UBE2E3: variants seen among roughly 807,000 people sequenced by gnomAD.
UBE2E3 encodes ubiquitin conjugating enzyme E2 E3.
UBE2E3 carries 5 observed loss-of-function variants against 23.6 expected under a neutral mutation model. The observed-to-expected ratio is 0.21, with a 90% CI of 0.11 to 0.44. The LOEUF (loss-of-function observed/expected upper bound fraction) is 0.44, where lower values mean the gene tolerates loss of function less well. Ranked by LOEUF, UBE2E3 falls within the 20% of genes least tolerant of loss-of-function variation. UBE2E3 has a pLI of 0.99. For missense variants in UBE2E3, 81 were observed against 249.8 expected (o/e 0.32, Z 4.55); for synonymous variants, 78 against 87.5 (o/e 0.89, Z 0.60).
intron 3 of UBE2E3, among the ~76,000 whole-genome samples, chr2:181,001,392 A>G (rs1168887093): frequency 1.3e-5 from 2 of 152,154 alleles, no homozygotes; most frequent in African/African-American, 4.8e-5. Context: ...GAAAAGAAAC[A>G]TACAATTATG....
chr2:180,992,403 G>T (rs1684688117), intron 3 of UBE2E3, among the ~76,000 whole-genome samples: 1 of 152,168 alleles, frequency 6.6e-6, no homozygotes, highest in African/African-American at 2.4e-5. Context: ...GACTATAAAA[G>T]GAGATGTTAA....
At chr2:180,983,382 T>G (rs1398647236) in intron 2 of UBE2E3, among the ~76,000 whole-genome samples, 1 of 152,236 alleles carries the variant, frequency 6.6e-6, no homozygotes, top group African/African-American at 2.4e-5. Context: ...GAAATCATCT[T>G]AAATTTGAAT....
At chr2:180,993,870 T>C (rs1238315707) in intron 3 of UBE2E3, among the ~76,000 whole-genome samples, 1 of 152,180 alleles carries the variant, frequency 6.6e-6, no homozygotes, top group Non-Finnish European at 1.5e-5. Context: ...GAGGGTACCA[T>C]AAGGCATTGG....
intron 3 of UBE2E3, among the ~76,000 whole-genome samples, chr2:181,038,647 G>A (rs1040597211): frequency 3.9e-5 from 6 of 152,114 alleles, no homozygotes; most frequent in African/African-American, 1.4e-4. Context: ...AAGATGAAAA[G>A]GCAAATCACA....
At chr2:181,048,460 T>C (rs1032580624) in intron 3 of UBE2E3, among the ~76,000 whole-genome samples, 3 of 152,158 alleles carry the variant, frequency 2.0e-5, no homozygotes, top group African/African-American at 7.2e-5. Context: ...AGGCACAGTA[T>C]GGATTAATAA....
intron 3 of UBE2E3, among the ~76,000 whole-genome samples, chr2:181,021,590 T>C (rs995464642): frequency 0.043 from 2,136 of 50,204 alleles, 4 homozygotes; most frequent in East Asian, 0.085. Context: ...CTCCCTTCCT[T>C]CCTCCCTCCC....
intron 3 of UBE2E3, among the ~76,000 whole-genome samples, chr2:180,999,350 T>C (rs72883549): frequency 0.23 from 35,289 of 152,014 alleles, 4,465 homozygotes; most frequent in Non-Finnish European, 0.28. Flanking sequence ...TGTGAGCCTT[T>C]TGGTTGTTTC....
At chr2:181,041,839 C>T (rs955669746) in intron 3 of UBE2E3, among the ~76,000 whole-genome samples, 2 of 152,216 alleles carry the variant, frequency 1.3e-5, no homozygotes, top group African/African-American at 4.8e-5. Flanking sequence ...CAGGAGGCAG[C>T]GTGGTCTGGA....
chr2:180,982,198 T>C lies in UBE2E3; in HGVS notation c.156T>C (p.Ser52=). Residue 52 remains serine, a synonymous_variant, in exon 2 of 6, where the codon TCT becomes TCC. Transcript: ENST00000410062. ...ATQQKKNTKL[S]SKTTAKLSTS... Reference sequence around the variant, plus strand: ...AGCAGAAGAAAAACACCAAACTCTCTAGCAAAACCACTGCTAAGTTATCCA... The same window carrying C: ...AGCAGAAGAAAAACACCAAACTCTCCAGCAAAACCACTGCTAAGTTATCCA... The C allele has an allele frequency of 6.2e-7, 1 of 1,611,904 alleles. No individual in the cohort carries two copies. The highest frequency in any genetic ancestry group is 8.5e-7 in the Non-Finnish European group (1 of 1,179,260).
intron 3 of UBE2E3, among the ~76,000 whole-genome samples, chr2:180,990,492 C>G (rs4666996): frequency 0.23 from 35,238 of 152,132 alleles, 4,458 homozygotes; most frequent in Non-Finnish European, 0.28. Flanking sequence ...TCAGCTGATT[C>G]TTCACTTCCT....
At chr2:181,057,625 C>T (rs1687025127) in intron 3 of UBE2E3, 68 bp from the exon 4 acceptor site, 1 of 1,341,250 alleles carries the variant, frequency 7.5e-7, no homozygotes, top group Non-Finnish European at 1.0e-6. Flanking sequence ...TAACACTTCC[C>T]TGGTTTTAGG....
At chr2:181,037,896 A>T in intron 3 of UBE2E3, among the ~76,000 whole-genome samples, 1 of 152,208 alleles carries the variant, frequency 6.6e-6, no homozygotes, top group East Asian at 1.9e-4. Flanking sequence ...TGAGCCCAGG[A>T]GTTCAAGATT....
intron 3 of UBE2E3, among the ~76,000 whole-genome samples, chr2:181,052,276 A>G (rs1256547143): frequency 6.6e-6 from 1 of 151,884 alleles, no homozygotes; most frequent in Non-Finnish European, 1.5e-5. Flanking sequence ...AGGGGTGTCC[A>G]GGGGAAAGAA....
intron 3 of UBE2E3, among the ~76,000 whole-genome samples, chr2:181,052,134 AAAAG>A (rs1686860814): frequency 6.6e-6 from 1 of 151,830 alleles, no homozygotes; most frequent in African/African-American, 2.4e-5. Flanking sequence ...TAAGGTTGAG[AAAAG>A]AAAGGTGGCT....
intron 3 of UBE2E3, among the ~76,000 whole-genome samples, chr2:181,005,540 C>CT (rs148205584): frequency 0.027 from 4,084 of 152,186 alleles, 182 homozygotes; most frequent in African/African-American, 0.092. Context: ...TAGTATGTAT[C>CT]TTTTTGGACT....
chr2:181,057,117 G>A (rs988393085), intron 3 of UBE2E3, among the ~76,000 whole-genome samples: 3 of 151,788 alleles, frequency 2.0e-5, no homozygotes, highest in Non-Finnish European at 4.4e-5. Context: ...GGAGAATAAA[G>A]ACACAGGAAA....
rs1422504691 is a variant in UBE2E3, at chr2:181,063,390, A to G, written c.*502A>G. 6.6e-6 allele frequency: 1 copy of G among 152,124 alleles called. No individual in the cohort carries two copies. The highest frequency in any genetic ancestry group is 1.5e-5 in the Non-Finnish European group (1 of 67,772). 9.4% of individuals were successfully genotyped at this position (152,124 alleles called of 1,614,324 possible). The stretch of plus-strand genomic sequence containing the variant: ...TTGTAGCTCAGAGAGCACCTGATGT[A>G]TCATCTCAAACACAATAAACATGCT... On this transcript the variant is annotated 3_prime_UTR_variant, in exon 6 of 6. Coordinates refer to ENST00000410062, the MANE Select transcript of UBE2E3 (RefSeq NM_006357.4). The surrounding 1 kb of genome is among the most constrained non-coding windows in gnomAD (Gnocchi z 4.1).
At chr2:181,010,145 A>G (rs1321926864) in intron 3 of UBE2E3, among the ~76,000 whole-genome samples, 5 of 152,100 alleles carry the variant, frequency 3.3e-5, no homozygotes, top group Non-Finnish European at 7.4e-5. Context: ...TACTACTCCT[A>G]CCATAATGGT....
chr2:181,056,855 A>G (rs748669694), intron 3 of UBE2E3, among the ~76,000 whole-genome samples: 1 of 151,788 alleles, frequency 6.6e-6, no homozygotes, highest in Non-Finnish European at 1.5e-5. Context: ...GTTTGTCTGG[A>G]TGATGAAACT....
Sources: gnomAD v4.1 joint callset for allele counts (sites outside exome capture counted in the v4.1 genomes callset) on GRCh38, gnomAD v4.1.1 for gene constraint, Gnocchi (gnomAD v3.1) non-coding constraint, MANE v1.5 for transcripts, NCBI Gene and HGNC (gene_info 2026-07-23, HGNC 2026-07-21) for gene names.